The following ANO3 variants were observed in gnomAD, a reference collection of about 807,000 sequenced individuals.
ANO3 encodes anoctamin-3.
A neutral mutation model predicts 144.8 loss-of-function variants in ANO3; 99 were observed. The ratio of observed to expected loss-of-function variants is 0.68; its 90% CI spans 0.58 to 0.81. The LOEUF (loss-of-function observed/expected upper bound fraction) is 0.81, where lower values mean the gene tolerates loss of function less well. Ranked by LOEUF, ANO3 falls within the 30% of genes least tolerant of loss-of-function variation. The pLI, the probability that ANO3 is intolerant of heterozygous loss-of-function variation, is 0.00. For synonymous variants in ANO3, 414 were observed against 392.6 expected (o/e 1.05, Z -0.64); for missense variants, 905 against 1,202.2 (o/e 0.75, Z 3.66).
intron 18 of ANO3, among the ~76,000 whole-genome samples, chr11:26,625,679 C>G (rs966822004): frequency 1.3e-5 from 2 of 152,046 alleles, no homozygotes; most frequent in Non-Finnish European, 2.9e-5. Context: ...TGAATATATT[C>G]AGACACATCA....
At chr11:26,317,426 C>A (rs980600403) in intron 1 of ANO3, among the ~76,000 whole-genome samples, 1 of 151,322 alleles carries the variant, frequency 6.6e-6, no homozygotes. Flanking sequence ...AAAAAAAAAA[C>A]AACCCCATCA....
Position 26,457,491 on chromosome 11 carries a change from T to G in ANO3, c.314-5539T>G, listed in dbSNP as rs189859375. On this transcript the variant is annotated intron_variant, in intron 3 of 26. Transcript: ENST00000256737. ...ACTTATTTTTTTGTAGTTGTCTCAG[T>G]ACTCAAATTGTGAATTGAATGCAAA... Among the ~76,000 whole-genome samples, 486 of 152,188 alleles carry G rather than the reference T, an allele frequency of 3.2e-3. 3 individuals are homozygous for G. The highest frequency in any genetic ancestry group is 0.011 in the African/African-American group (458 of 41,544).
intron 1 of ANO3, among the ~76,000 whole-genome samples, chr11:26,423,938 A>G (rs1430952023): frequency 3.3e-5 from 5 of 151,902 alleles, no homozygotes; most frequent in African/African-American, 9.7e-5. Context: ...AACCTCTCCT[A>G]GTTTCATTTC....
chr11:26,616,993 G>A (rs534920108), intron 17 of ANO3, among the ~76,000 whole-genome samples: 4 of 152,162 alleles, frequency 2.6e-5, no homozygotes, highest in East Asian at 1.9e-4. Context: ...GGCTGGTTTC[G>A]ACCTCCTGAC....
intron 14 of ANO3, among the ~76,000 whole-genome samples, chr11:26,594,626 T>C (rs983107930): frequency 6.6e-6 from 1 of 152,112 alleles, no homozygotes; most frequent in Non-Finnish European, 1.5e-5. Context: ...CTTGGGTTCA[T>C]TGTTTACCCC....
intron 1 of ANO3, among the ~76,000 whole-genome samples, chr11:26,387,870 T>C (rs1417316278): frequency 1.3e-5 from 2 of 152,082 alleles, no homozygotes; most frequent in Non-Finnish European, 2.9e-5. Flanking sequence ...CCAGCTTTAG[T>C]TGTCCAAGCT....
At chr11:26,477,109 C>T (rs777283685) in intron 4 of ANO3, among the ~76,000 whole-genome samples, 36 of 152,044 alleles carry the variant, frequency 2.4e-4, no homozygotes, top group African/African-American at 7.5e-4. Context: ...GATTCATTTG[C>T]ACATTTGTGT....
chr11:26,564,294 T>G (rs1239582718), intron 14 of ANO3, among the ~76,000 whole-genome samples: 4 of 151,650 alleles, frequency 2.6e-5, no homozygotes, highest in Non-Finnish European at 5.9e-5. Context: ...AGCCTATATT[T>G]CAGAATTTAA....
intron 1 of ANO3, among the ~76,000 whole-genome samples, chr11:26,291,599 G>T (rs1002897153): frequency 6.6e-6 from 1 of 152,122 alleles, no homozygotes; most frequent in Non-Finnish European, 1.5e-5. Flanking sequence ...TGTAAGGCAG[G>T]CCTGGTGGTG....
rs772521717 is a variant in ANO3, at chr11:26,660,853, G to C, written c.*409G>C. 1.3e-4 allele frequency: 20 copies of C among 159,464 alleles called. No homozygotes were observed. Among genetic ancestry groups the C allele is most frequent in the Non-Finnish European group, 2.6e-4 (19 of 73,020 alleles). 9.9% of individuals were successfully genotyped at this position (159,464 alleles called of 1,614,324 possible). Reference sequence around the variant, plus strand: ...GCAGTCTTCACTCACATACTAATTTGACTTTGGAAAGTATGGTTGAGTTCA... The same window carrying C: ...GCAGTCTTCACTCACATACTAATTTCACTTTGGAAAGTATGGTTGAGTTCA... On this transcript the variant is annotated 3_prime_UTR_variant, in exon 27 of 27. Coordinates refer to ENST00000256737, the MANE Select transcript of ANO3 (RefSeq NM_031418.4).
chr11:26,643,432 C>T, intron 23 of ANO3, 98 bp downstream of exon 23: 1 of 1,449,444 alleles, frequency 6.9e-7, no homozygotes, highest in Non-Finnish European at 9.4e-7. Context: ...ACTTAATTGC[C>T]AGTGTCATAG....
intron 1 of ANO3, among the ~76,000 whole-genome samples, chr11:26,376,717 C>T (rs144568272): frequency 6.6e-5 from 10 of 151,808 alleles, no homozygotes; most frequent in East Asian, 3.9e-4. Flanking sequence ...GATCCTGATG[C>T]GCAACTGTTA....
intron 14 of ANO3, among the ~76,000 whole-genome samples, chr11:26,578,439 C>G (rs559433174): frequency 1.3e-5 from 2 of 152,172 alleles, no homozygotes; most frequent in African/African-American, 4.8e-5. Context: ...TAGGGGAGTC[C>G]CAGGTTTCAA....
At chr11:26,496,183 A>G (rs1010213267) in intron 4 of ANO3, among the ~76,000 whole-genome samples, 1 of 151,922 alleles carries the variant, frequency 6.6e-6, no homozygotes, top group Non-Finnish European at 1.5e-5. Flanking sequence ...GCATAATTTG[A>G]CCTCTCTGTG....
At chr11:26,283,321 AATATATATATATATATATATATAT>A (rs58419788) in intron 1 of ANO3, among the ~76,000 whole-genome samples, 18 of 49,136 alleles carry the variant, frequency 3.7e-4, no homozygotes, top group East Asian at 1.3e-3. Flanking sequence ...CAAATAAATA[AATATATATATATATATATATATAT>A]ATATATATAT....
chr11:26,270,318 G>A (rs367753343), intron 1 of ANO3, among the ~76,000 whole-genome samples: 50 of 152,000 alleles, frequency 3.3e-4, no homozygotes, highest in African/African-American at 1.2e-3. Flanking sequence ...TGGGGATGGG[G>A]GAGGGTGGTA....
intron 1 of ANO3, among the ~76,000 whole-genome samples, chr11:26,217,775 A>T (rs1852063289): frequency 1.3e-5 from 2 of 152,100 alleles, no homozygotes. Flanking sequence ...TAAACATTTT[A>T]AATTTAAACA....
At chr11:26,408,777 A>G (rs1857356081) in intron 1 of ANO3, among the ~76,000 whole-genome samples, 1 of 151,684 alleles carries the variant, frequency 6.6e-6, no homozygotes, top group Non-Finnish European at 1.5e-5. Context: ...CATATACACC[A>G]TGGAATACTA....
rs536342074 is a variant in ANO3 at position 26,281,175 on chromosome 11, G to A, written c.155-28470G>A. On this transcript the variant is annotated intron_variant, in intron 1 of 27. Coordinates refer to the ANO3 transcript ENST00000672621. The stretch of plus-strand genomic sequence containing the variant: ...AGATGAAGAAATAAAGATATAGAAA[G>A]GCTAAGTAATTTGTCCAAGATCATA... 1.2e-4 allele frequency among the ~76,000 whole-genome samples: 19 copies of A among 152,188 alleles called. No individual in the cohort carries two copies. In the South Asian group the frequency reaches 3.9e-3, roughly 32 times the overall value.
Sources: allele counts gnomAD v4.1 joint callset (sites outside exome capture counted in the v4.1 genomes callset), GRCh38; gene constraint gnomAD v4.1.1; transcripts MANE v1.5; gene names NCBI Gene and HGNC (gene_info 2026-07-23, HGNC 2026-07-21).